BMERB1: variants seen among roughly 807,000 people sequenced by gnomAD.
BMERB1 encodes bMERB domain-containing protein 1.
A neutral mutation model predicts 23.6 loss-of-function variants in BMERB1; 12 were observed. The observed-to-expected ratio is 0.51, with a 90% CI of 0.33 to 0.82. The LOEUF (loss-of-function observed/expected upper bound fraction) is 0.82, where lower values mean the gene tolerates loss of function less well. BMERB1 is among the 40% of genes least tolerant of loss of function. BMERB1 has a pLI of 0.03. For missense variants in BMERB1, 247 were observed against 255.4 expected (o/e 0.97, Z 0.22); for synonymous variants, 122 against 96.6 (o/e 1.26, Z -1.54).
chr16:15,472,734 T>A (rs977365263), intron 1 of BMERB1, among the ~76,000 whole-genome samples: 4 of 152,194 alleles, frequency 2.6e-5, no homozygotes, highest in African/African-American at 9.6e-5. Flanking sequence ...CATTTACATT[T>A]AAGGCAATTA....
rs2150979744 is a variant in BMERB1, at chr16:15,587,084, A to G, written c.*255A>G. The G allele has an allele frequency of 2.1e-6, 1 of 480,960 alleles. No homozygotes were observed. Among genetic ancestry groups the G allele is most frequent in the Non-Finnish European group, 3.7e-6 (1 of 271,368 alleles). The allele number at this position is 480,960 out of a possible 1,614,324, so 29.8% of individuals were successfully genotyped here. On this transcript the variant is annotated 3_prime_UTR_variant, in exon 6 of 6. Transcript: ENST00000300006. ...CAGGAGTCTGTCTCACTGTTTATCC[A>G]AACACCAGGAAAGGTCCTCCCTCAA...
At chr16:15,486,161 C>A (rs576264711) in intron 1 of BMERB1, among the ~76,000 whole-genome samples, 5 of 143,030 alleles carry the variant, frequency 3.5e-5, no homozygotes, top group Non-Finnish European at 7.5e-5. Flanking sequence ...GAGATCGTGC[C>A]ACTATACTCC....
intron 1 of BMERB1, among the ~76,000 whole-genome samples, chr16:15,494,851 A>G (rs1194160380): frequency 6.6e-6 from 1 of 150,978 alleles, no homozygotes; most frequent in Non-Finnish European, 1.5e-5. Flanking sequence ...GGCTCAAGAA[A>G]TGTTGGTAAA....
At chr16:15,585,745 C>G (rs1255320976) in intron 5 of BMERB1, among the ~76,000 whole-genome samples, 4 of 152,090 alleles carry the variant, frequency 2.6e-5, no homozygotes, top group African/African-American at 7.2e-5. Context: ...AGGAGAATCG[C>G]TTGAACCCAG....
chr16:15,549,547 C>T (rs879315853), intron 2 of BMERB1, among the ~76,000 whole-genome samples: 8 of 151,610 alleles, frequency 5.3e-5, no homozygotes, highest in South Asian at 2.1e-4. Flanking sequence ...GGCGTGGTGG[C>T]GGGCGCCTGT....
At chr16:15,555,271 G>A (rs1048804261) in intron 2 of BMERB1, among the ~76,000 whole-genome samples, 2 of 151,924 alleles carry the variant, frequency 1.3e-5, no homozygotes, top group African/African-American at 4.8e-5. Context: ...ACAGAGTCTC[G>A]CTATGTTGCC....
chr16:15,563,236 A>T (rs997749776), intron 2 of BMERB1, among the ~76,000 whole-genome samples: 3 of 151,520 alleles, frequency 2.0e-5, no homozygotes, highest in African/African-American at 4.9e-5. Context: ...AAACAAAAAA[A>T]TTTTTTTTTG....
At chr16:15,443,890 C>A (rs2050962888) in intron 1 of BMERB1, among the ~76,000 whole-genome samples, 1 of 151,760 alleles carries the variant, frequency 6.6e-6, no homozygotes, top group South Asian at 2.1e-4. Flanking sequence ...CTAGCCTGAA[C>A]AACAGAGCGA....
intron 1 of BMERB1, chr16:15,447,857 G>A (rs978385384): frequency 1.5e-5 from 7 of 455,800 alleles, no homozygotes; most frequent in African/African-American, 1.4e-4. Flanking sequence ...GGCCATTGGA[G>A]GACAAGGGAT....
At chr16:15,544,867 CAG>C (rs1209279269) in intron 2 of BMERB1, among the ~76,000 whole-genome samples, 1 of 152,250 alleles carries the variant, frequency 6.6e-6, no homozygotes, top group African/African-American at 2.4e-5. Flanking sequence ...GACACTCTAT[CAG>C]AGAATTACCT....
At chr16:15,550,537 C>T (rs918303782) in intron 2 of BMERB1, among the ~76,000 whole-genome samples, 1 of 151,036 alleles carries the variant, frequency 6.6e-6, no homozygotes, top group Non-Finnish European at 1.5e-5. Flanking sequence ...GGGGTTTCAC[C>T]GTATTGCCCA....
chr16:15,530,908 T>C (rs1005212485), intron 2 of BMERB1, among the ~76,000 whole-genome samples: 4 of 145,780 alleles, frequency 2.7e-5, no homozygotes, highest in East Asian at 2.0e-4. Flanking sequence ...TCTTTCTTTT[T>C]TTTTTTTTTT....
intron 3 of BMERB1, among the ~76,000 whole-genome samples, chr16:15,570,699 C>CT (rs1567503213): frequency 2.0e-5 from 3 of 152,046 alleles, no homozygotes; most frequent in African/African-American, 7.3e-5. Flanking sequence ...ACTCTGTAGG[C>CT]AGGGTAGCAG....
At chr16:15,531,999 C>A (rs186558905) in intron 2 of BMERB1, among the ~76,000 whole-genome samples, 1 of 152,270 alleles carries the variant, frequency 6.6e-6, no homozygotes, top group Admixed American at 6.5e-5. Flanking sequence ...CAACCAGATT[C>A]CCGAGCACCC....
At chr16:15,569,708 TC>T (rs1449038831) in intron 3 of BMERB1, among the ~76,000 whole-genome samples, 3 of 152,148 alleles carry the variant, frequency 2.0e-5, no homozygotes, top group African/African-American at 7.2e-5. Context: ...TCCACGTGGA[TC>T]ATCATTCATC....
intron 5 of BMERB1, among the ~76,000 whole-genome samples, chr16:15,583,507 G>T (rs2031067664): frequency 6.6e-6 from 1 of 151,710 alleles, no homozygotes. Context: ...GAACCCGGGA[G>T]GTGGGGGTTG....
chr16:15,552,179 C>T (rs1007771586), intron 2 of BMERB1, among the ~76,000 whole-genome samples: 3 of 152,134 alleles, frequency 2.0e-5, no homozygotes, highest in Admixed American at 6.6e-5. Flanking sequence ...GTGGCTCACA[C>T]CTGTAATCCC....
intron 1 of BMERB1, among the ~76,000 whole-genome samples, chr16:15,456,981 A>C (rs962222136): frequency 2.0e-5 from 3 of 151,864 alleles, no homozygotes; most frequent in African/African-American, 7.3e-5. Flanking sequence ...ACGCGCCACT[A>C]TGCCTGGCTA....
Position 15,543,985 on chromosome 16 carries a change from GATTA to G in BMERB1, c.231-23993_231-23990del, listed in dbSNP as rs1165056552. ...ACTGCTTAATGACCTGCCCACGGAT[GATTA>G]ATTATCTTGGAGAGAGTACATGTAT... is the stretch of plus-strand genomic sequence containing the variant. On this transcript the variant is annotated intron_variant, in intron 2 of 5. Coordinates refer to ENST00000300006, the MANE Select transcript of BMERB1 (RefSeq NM_033201.3). 3.3e-5 allele frequency among the ~76,000 whole-genome samples: 5 copies of G among 152,276 alleles called. No homozygotes were observed. The East Asian group carries it at 7.7e-4, about 23-fold the overall frequency.
Sources: gnomAD v4.1 joint callset for allele counts (sites outside exome capture counted in the v4.1 genomes callset) on GRCh38, gnomAD v4.1.1 for gene constraint, MANE v1.5 for transcripts, NCBI Gene and HGNC (gene_info 2026-07-23, HGNC 2026-07-21) for gene names.